The following VPS41 variants were observed in gnomAD, a reference collection of about 807,000 sequenced individuals.
The protein encoded by VPS41 is VPS41 subunit of HOPS complex.
VPS41 carries 85 observed loss-of-function variants against 130.9 expected under a neutral mutation model. That is an observed-to-expected ratio of 0.65 (90% CI 0.55 to 0.78). The LOEUF (loss-of-function observed/expected upper bound fraction) is 0.78, where lower values mean the gene tolerates loss of function less well. Ranked by LOEUF, VPS41 falls within the 30% of genes least tolerant of loss-of-function variation. The pLI is 0.00. For synonymous variants in VPS41, 335 were observed against 332.9 expected, an observed-to-expected ratio of 1.01 and a Z score of -0.07; for missense variants, 874 against 1,018.7, an observed-to-expected ratio of 0.86 and a Z score of 1.93.
chr7:38,757,062 A>T (rs995173516), intron 18 of VPS41, 80 bp from the exon 19 acceptor site: 1 of 1,157,472 alleles, frequency 8.6e-7, no homozygotes, highest in Non-Finnish European at 1.2e-6. Context: ...GGTTCACAAT[A>T]TTAAAAATGG....
rs1795534954 is a variant in VPS41, at chr7:38,726,116, G to T, written c.*130C>A. The stretch of plus-strand genomic sequence containing the variant: ...AACCATTAGTACAGGAATAGATGAA[G>T]AAATTGTTTTTGAGTATAATATAAA... On this transcript the variant is annotated 3_prime_UTR_variant, in exon 29 of 29. Transcript: ENST00000310301. The T allele has an allele frequency of 1.5e-6, 1 of 658,624 alleles. No homozygotes were observed. 40.8% of individuals were successfully genotyped at this position (658,624 alleles called of 1,614,324 possible).
intron 2 of VPS41, among the ~76,000 whole-genome samples, chr7:38,869,707 T>C (rs551576527): frequency 1.3e-5 from 2 of 152,272 alleles, no homozygotes; most frequent in Non-Finnish European, 2.9e-5. Context: ...AGTTTACATA[T>C]GGAGAACTGT....
intron 17 of VPS41, among the ~76,000 whole-genome samples, chr7:38,760,118 C>G (rs1054573846): frequency 6.6e-6 from 1 of 152,188 alleles, no homozygotes; most frequent in African/African-American, 2.4e-5. Flanking sequence ...GGGCCAGTAT[C>G]TTGCTCAGTC....
At chr7:38,851,901 T>C (rs572107710) in intron 4 of VPS41, among the ~76,000 whole-genome samples, 23 of 149,608 alleles carry the variant, frequency 1.5e-4, no homozygotes, top group African/African-American at 5.3e-4. Context: ...TTTAATATGA[T>C]TTTTTCCTTG....
chr7:38,772,038 G>GT (rs1055316552), intron 13 of VPS41, among the ~76,000 whole-genome samples: 2 of 151,718 alleles, frequency 1.3e-5, no homozygotes, highest in African/African-American at 2.4e-5. Flanking sequence ...TTGAAAAATG[G>GT]TTTTTTTCTT....
Position 38,752,390 on chromosome 7 carries a change from T to G in VPS41, c.1789-77A>C, listed in dbSNP as rs576534181. On this transcript the variant is annotated intron_variant, in intron 21 of 28. Coordinates refer to ENST00000310301, the MANE Select transcript of VPS41 (RefSeq NM_014396.4). The stretch of plus-strand genomic sequence containing the variant: ...CCTGGCTAACATTGCTATTTTTAGC[T>G]CTAAACACCTCCCATGGACAGGTTG... 7.7e-6 allele frequency: 12 copies of G among 1,553,138 alleles called. No homozygotes were observed. In the African/African-American group the frequency reaches 1.2e-4, roughly 16 times the overall value.
Position 38,869,221 on chromosome 7 carries a change from C to T in VPS41, c.93G>A (p.Lys31=). 6.2e-7 allele frequency: 1 copy of T among 1,612,620 alleles called. No homozygotes were observed. The highest frequency in any genetic ancestry group is 8.5e-7 in the Non-Finnish European group (1 of 1,179,060). The change falls in exon 3 of 29, where the codon AAG becomes AAA. Residue 31 remains lysine (K), a synonymous_variant. Coordinates refer to ENST00000310301, the MANE Select transcript of VPS41 (RefSeq NM_014396.4). ...TTACCCCATTGGAAAGCCTTTCATA[C>T]TTCAGCTTGGGTTCCTCTTCGCTCT... ...EEESEEEPKL[K]YERLSNGVTE... is the part of the protein sequence containing the mutation.
chr7:38,882,781 A>T (rs1786640806), intron 2 of VPS41, among the ~76,000 whole-genome samples: 1 of 152,182 alleles, frequency 6.6e-6, no homozygotes, highest in South Asian at 2.1e-4. Flanking sequence ...TACTTTAAAA[A>T]ACAAAAAGCA....
chr7:38,828,453 C>A (rs1333956419), intron 5 of VPS41, among the ~76,000 whole-genome samples: 2 of 152,012 alleles, frequency 1.3e-5, no homozygotes, highest in Admixed American at 6.5e-5. Context: ...TATCTAGGAA[C>A]CTTAACACAC....
rs1456265900 is a variant in VPS41, at chr7:38,724,441, G to A, written c.*1805C>T. ...GATAAGGAAATGCTGAGAAGGCTGA[G>A]GGGTACATTCAATAATAACAAAGAG... is the stretch of plus-strand genomic sequence containing the variant. On this transcript the variant is annotated 3_prime_UTR_variant, in exon 29 of 29. Transcript: ENST00000310301. The A allele has an allele frequency of 6.6e-6, 1 of 152,194 alleles. No individual in the cohort carries two copies. Among genetic ancestry groups the A allele is most frequent in the Non-Finnish European group, 1.5e-5 (1 of 68,042 alleles). 9.4% of individuals were successfully genotyped at this position (152,194 alleles called of 1,614,324 possible).
At chr7:38,881,661 G>A (rs1786610965) in intron 2 of VPS41, among the ~76,000 whole-genome samples, 1 of 152,118 alleles carries the variant, frequency 6.6e-6, no homozygotes, top group Non-Finnish European at 1.5e-5. Context: ...TGAGGACACG[G>A]CATGGGATAA....
intron 4 of VPS41, among the ~76,000 whole-genome samples, chr7:38,854,684 G>A (rs765139528): frequency 2.0e-4 from 30 of 152,206 alleles, no homozygotes; most frequent in African/African-American, 7.0e-4. Context: ...TTAGTTCAGC[G>A]AACTTCTATC....
At chr7:38,727,488 G>A (rs1379339324) in intron 27 of VPS41, among the ~76,000 whole-genome samples, 2 of 152,160 alleles carry the variant, frequency 1.3e-5, no homozygotes, top group Non-Finnish European at 2.9e-5. Context: ...TGTGTGGCCA[G>A]CTTATTTTTG....
At chr7:38,824,494 C>T (rs947952427) in intron 5 of VPS41, among the ~76,000 whole-genome samples, 3 of 152,036 alleles carry the variant, frequency 2.0e-5, no homozygotes, top group African/African-American at 4.8e-5. Flanking sequence ...AATGACTTGC[C>T]TAAGGTCATA....
intron 4 of VPS41, among the ~76,000 whole-genome samples, chr7:38,832,581 G>A (rs984934063): frequency 2.6e-5 from 4 of 151,920 alleles, no homozygotes. Flanking sequence ...TACATAGTAT[G>A]TTCTGATATC....
chr7:38,774,742 G>T (rs185924473), intron 11 of VPS41, among the ~76,000 whole-genome samples: 3 of 152,072 alleles, frequency 2.0e-5, no homozygotes, highest in African/African-American at 7.2e-5. Flanking sequence ...TTATACTTTC[G>T]TTCCCTGGCC....
intron 25 of VPS41, among the ~76,000 whole-genome samples, chr7:38,738,324 C>T (rs1795813798): frequency 1.3e-5 from 2 of 152,182 alleles, no homozygotes; most frequent in South Asian, 4.1e-4. Context: ...GATCTGTGTT[C>T]AAACCCAGTT....
Position 38,889,537 on chromosome 7 carries a change from A to G in VPS41, c.60+8554T>C, listed in dbSNP as rs192841638. Among the ~76,000 whole-genome samples the G allele has an allele frequency of 1.4e-3, 197 of 144,648 alleles. 1 individual carries two copies. Among genetic ancestry groups the G allele is most frequent in the Admixed American group, 3.3e-3 (47 of 14,328 alleles). 94.9% of individuals were successfully genotyped at this position (144,648 alleles called of 152,430 possible). On this transcript the variant is annotated intron_variant, in intron 2 of 28. Transcript: ENST00000310301. ...CCAACCACAAATGCTGTATCTGGTT[A>G]AAAAAACAAAACAAAACAAAACAAA...
At chr7:38,792,831 C>A (rs867683935) in intron 9 of VPS41, among the ~76,000 whole-genome samples, 1 of 152,094 alleles carries the variant, frequency 6.6e-6, no homozygotes, top group Non-Finnish European at 1.5e-5. Flanking sequence ...CCCCGACCCC[C>A]ACTTACATCC....
Sources: gnomAD v4.1 joint callset for allele counts (sites outside exome capture counted in the v4.1 genomes callset) on GRCh38, gnomAD v4.1.1 for gene constraint, MANE v1.5 for transcripts, NCBI Gene and HGNC (gene_info 2026-07-23, HGNC 2026-07-21) for gene names.